Variants in ANK3 observed in about 807,000 individuals in gnomAD.
ANK3 encodes the protein ankyrin-3.
A neutral mutation model predicts 370.9 loss-of-function variants in ANK3; 57 were observed. The ratio of observed to expected loss-of-function variants is 0.15; its 90% confidence interval spans 0.12 to 0.19. The LOEUF (loss-of-function observed/expected upper bound fraction) is 0.19. Ranked by LOEUF, ANK3 falls within the 10% of genes least tolerant of loss-of-function variation. The pLI is 1.00. For synonymous variants in ANK3, 1,929 were observed against 1,946.3 expected, an observed-to-expected ratio of 0.99 and a Z score of 0.23; for missense variants, 4,439 against 5,302.1, an observed-to-expected ratio of 0.84 and a Z score of 5.06.
At chr10:60,676,699 A>G (rs74155671) in intron 1 of ANK3, among the ~76,000 whole-genome samples, 1,786 of 152,328 alleles carry the variant, frequency 0.012, 33 homozygotes, top group African/African-American at 0.04. Flanking sequence ...AAGATGCTTA[A>G]CTATGATGAA....
chr10:60,671,768 C>G (rs1393915328), intron 1 of ANK3, among the ~76,000 whole-genome samples: 1 of 152,200 alleles, frequency 6.6e-6, no homozygotes, highest in Non-Finnish European at 1.5e-5. Context: ...ATCCAGCAGC[C>G]ATGTTGTGAG....
At chr10:60,176,192 A>AAAC (rs2095940717) in intron 18 of ANK3, among the ~76,000 whole-genome samples, 2 of 143,936 alleles carry the variant, frequency 1.4e-5, no homozygotes, top group African/African-American at 5.3e-5. Flanking sequence ...AAAAAAAAAA[A>AAAC]AAACAAAAAA....
chr10:60,173,335 T>A, intron 18 of ANK3, 149 bp from the exon 19 acceptor site: 1 of 608,734 alleles, frequency 1.6e-6, no homozygotes, highest in Non-Finnish European at 2.8e-6. Context: ...AAATTGCCCT[T>A]GATAATTCTC....
At chr10:60,700,642 A>G (rs2079533206) in intron 1 of ANK3, among the ~76,000 whole-genome samples, 2 of 152,224 alleles carry the variant, frequency 1.3e-5, no homozygotes, top group Non-Finnish European at 2.9e-5. Flanking sequence ...CAAGCAAAAT[A>G]CAAAATCCAG....
intron 2 of ANK3, among the ~76,000 whole-genome samples, chr10:60,496,470 ATCT>A (rs2075658668): frequency 6.6e-6 from 1 of 152,106 alleles, no homozygotes; most frequent in South Asian, 2.1e-4. Flanking sequence ...ATTCAATGTA[ATCT>A]TCTTCCTATT....
intron 29 of ANK3, 30 bp from the exon 30 acceptor site, chr10:60,086,914 A>G (rs1241852181): frequency 3.5e-6 from 5 of 1,410,870 alleles, no homozygotes; most frequent in Non-Finnish European, 3.8e-6. Flanking sequence ...TTTAAATGAA[A>G]GTGACTTTTT....
intron 1 of ANK3, among the ~76,000 whole-genome samples, chr10:60,294,916 T>C (rs762273323): frequency 1.3e-5 from 2 of 152,120 alleles, no homozygotes; most frequent in Non-Finnish European, 1.5e-5. Context: ...AAACATGTAG[T>C]AAAGAAAATA....
At position 60,063,186 on chromosome 10, in the gene ANK3, T is replaced by C. The variant is rs199850352; in HGVS notation, c.12520A>G (p.Ile4174Val). 2.2e-5 allele frequency: 35 copies of C among 1,613,646 alleles called. No homozygotes were observed. The highest frequency in any genetic ancestry group is 3.0e-5 in the Non-Finnish European group (35 of 1,179,808). ...CCTGAAATATTTCCATAATCAAATA[T>C]TGGTCCTTCTAGCAGTGTCACTATA... ...IDIVTLLEGP[I>V]FDYGNISGTR... is the part of the protein sequence containing the mutation. The change falls in exon 40 of 44, where the codon ATA (isoleucine) becomes GTA (valine). Residue 4174 changes from isoleucine (I) to valine (V), a missense_variant. Around this residue, in one of 13 missense-constraint regions of ANK3, gnomAD observed 99 missense variants for 150.7 expected, o/e 0.66. Coordinates refer to ENST00000280772, the MANE Select transcript of ANK3 (RefSeq NM_020987.5).
intron 1 of ANK3, among the ~76,000 whole-genome samples, chr10:60,715,919 T>TTA (rs1554816049): frequency 1.3e-5 from 2 of 152,168 alleles, no homozygotes; most frequent in Admixed American, 1.3e-4. Flanking sequence ...CAAGAAATAT[T>TTA]AAATGTGTAT....
At chr10:60,224,001 T>C (rs1005127973) in intron 8 of ANK3, among the ~76,000 whole-genome samples, 5 of 151,962 alleles carry the variant, frequency 3.3e-5, no homozygotes, top group Non-Finnish European at 5.9e-5. Context: ...TAGAAATGTA[T>C]AATTAATGAA....
upstream of ANK3, among the ~76,000 whole-genome samples, chr10:60,394,559 G>A (rs1222344737): frequency 6.6e-6 from 1 of 152,122 alleles, no homozygotes; most frequent in Non-Finnish European, 1.5e-5. Flanking sequence ...ACCTCACATG[G>A]GCAGACAGGA....
At chr10:60,174,833 T>C (rs994163358) in intron 18 of ANK3, among the ~76,000 whole-genome samples, 3 of 152,032 alleles carry the variant, frequency 2.0e-5, no homozygotes, top group African/African-American at 7.2e-5. Flanking sequence ...CCTCCTGGGC[T>C]CAATCTATCT....
intron 40 of ANK3, 81 bp downstream of exon 40, chr10:60,063,030 C>T: frequency 1.4e-6 from 2 of 1,406,154 alleles, no homozygotes; most frequent in Non-Finnish European, 1.9e-6. Context: ...AGTTTAGTTG[C>T]TTTTAAGTGA....
In ANK3 at chr10:60,586,838, T is replaced by G. The variant is rs768909375; in HGVS notation, c.96+28348A>C. Among the ~76,000 whole-genome samples, 199 of 152,310 alleles carry G rather than the reference T, an allele frequency of 1.3e-3. 3 individuals are homozygous for G. Among genetic ancestry groups the G allele is most frequent in the Middle Eastern group, 6.8e-3 (2 of 294 alleles). On this transcript the variant is annotated intron_variant, in intron 2 of 43. Transcript: ENST00000373827. ...GTATCTGTCCACTTTCCTTTTTGTATTTTTCCACTGAAAGTACAGGATTCT... is the reference window on the plus strand; with the variant it reads ...GTATCTGTCCACTTTCCTTTTTGTAGTTTTCCACTGAAAGTACAGGATTCT...
chr10:60,409,699 T>A (rs952313868), intron 2 of ANK3, among the ~76,000 whole-genome samples: 6 of 152,118 alleles, frequency 3.9e-5, no homozygotes, highest in African/African-American at 1.4e-4. Flanking sequence ...ACCTCATCCA[T>A]GCCCGCAGCT....
intron 23 of ANK3, chr10:60,139,304 C>T (rs1163350541): frequency 1.2e-5 from 6 of 499,914 alleles, no homozygotes; most frequent in East Asian, 6.5e-5. Context: ...GCGGAAACAA[C>T]TCCTGGTATT....
At chr10:60,507,072 A>T (rs2075959364) in intron 2 of ANK3, among the ~76,000 whole-genome samples, 1 of 152,090 alleles carries the variant, frequency 6.6e-6, no homozygotes, top group African/African-American at 2.4e-5. Flanking sequence ...AAGATGATGG[A>T]TATGCTAATT....
At chr10:60,262,077 C>T in intron 6 of ANK3, 120 bp from the exon 7 acceptor site, 3 of 762,472 alleles carry the variant, frequency 3.9e-6, no homozygotes, top group Middle Eastern at 2.7e-4. Context: ...GTCTATGTTC[C>T]ATTCTGTACT....
At chr10:60,250,013 G>A (rs1398356934) in intron 7 of ANK3, among the ~76,000 whole-genome samples, 1 of 152,188 alleles carries the variant, frequency 6.6e-6, no homozygotes, top group Non-Finnish European at 1.5e-5. Flanking sequence ...TCATATGATG[G>A]ACTATACCTA....
Sources: gnomAD v4.1 joint callset for allele counts (sites outside exome capture counted in the v4.1 genomes callset) on GRCh38, gnomAD v4.1.1 for gene constraint, gnomAD v4.1.1 regional missense constraint, MANE v1.5 for transcripts, NCBI Gene and HGNC (gene_info 2026-07-23, HGNC 2026-07-21) for gene names.